The following KRTAP1-5 variants were observed in gnomAD, a reference collection of about 807,000 sequenced individuals.
KRTAP1-5 encodes keratin-associated protein 1-5.
A neutral mutation model predicts 14.2 loss-of-function variants in KRTAP1-5; 10 were observed. The observed-to-expected ratio is 0.70, with a 90% CI of 0.43 to 1.19. The LOEUF is 1.19. KRTAP1-5 is among the 50% of genes most tolerant of loss of function. The pLI is 0.00. For missense variants in KRTAP1-5, 234 were observed against 223.5 expected (o/e 1.05, Z -0.30); for synonymous variants, 107 against 80.2 (o/e 1.33, Z -1.79).
At position 41,026,833 on chromosome 17, in the gene KRTAP1-5, C is replaced by T. The variant is rs1169130186; in HGVS notation, c.323G>A (p.Ser108Asn). ...GATACGGGTGCTCACAGCTCCACTG[C>T]TGCCCTCCTGGCCATAGCTGATGCC... ...GGGISYGQEG[S>N]SGAVSTRIRW... The change falls in exon 1 of 1, where the codon AGC becomes AAC. Residue 108 changes from serine to asparagine, a missense_variant. Transcript: ENST00000361883. The T allele has an allele frequency of 5.0e-6, 8 of 1,612,572 alleles. No homozygotes were observed. Among genetic ancestry groups the T allele is most frequent in the Non-Finnish European group, 5.9e-6 (7 of 1,179,974 alleles).
chr17:41,026,567 G>T lies in KRTAP1-5; in HGVS notation c.*64C>A, dbSNP rs761733231. The T allele has an allele frequency of 9.4e-5, 142 of 1,518,526 alleles. No homozygotes were observed. Among genetic ancestry groups the T allele is most frequent in the Non-Finnish European group, 1.2e-4 (135 of 1,123,758 alleles). 94.1% of individuals were successfully genotyped at this position (1,518,526 alleles called of 1,614,324 possible). On this transcript the variant is annotated 3_prime_UTR_variant, in exon 1 of 1. Transcript: ENST00000361883. Reference sequence around the variant, plus strand: ...GAGAACTTGTTAGTGGTCCAGAGGTGGTCAAGGGATGAACAGTTCAGAGAC... The same window carrying T: ...GAGAACTTGTTAGTGGTCCAGAGGTTGTCAAGGGATGAACAGTTCAGAGAC...
In KRTAP1-5 at chr17:41,026,882, C is replaced by T. The variant is rs761087776; in HGVS notation, c.274G>A (p.Gly92Arg). The change falls in exon 1 of 1, where the codon GGA becomes AGA. Residue 92 changes from glycine to arginine, a missense_variant. Coordinates refer to ENST00000361883, the MANE Select transcript of KRTAP1-5 (RefSeq NM_031957.2). ...CCACCACCAATGCCACAGCCAGTTC[C>T]GCAGGAGCTGATCTGGCAGCAGCTT... is the stretch of plus-strand genomic sequence containing the variant. Reference protein sequence around the residue: ...QPSCCQISSCGTGCGIGGGIS... With the variant: ...QPSCCQISSCRTGCGIGGGIS... The T allele has an allele frequency of 2.0e-5, 32 of 1,611,020 alleles. 1 individual carries two copies. The highest frequency in any genetic ancestry group is 8.4e-5 in the Admixed American group (5 of 59,848).
In KRTAP1-5 at chr17:41,026,855, T is replaced by C. The variant is rs774740730; in HGVS notation, c.301A>G (p.Ile101Val). ...CGTGCGIGGG[I>V]SYGQEGSSGA... is the part of the protein sequence containing the mutation. ...CTGCTGCCCTCCTGGCCATAGCTGA[T>C]GCCACCACCAATGCCACAGCCAGTT... is the stretch of plus-strand genomic sequence containing the variant. Residue 101 changes from isoleucine (I) to valine (V), a missense_variant, in exon 1 of 1, where the codon ATC (isoleucine) becomes GTC (valine). By Grantham distance (29) the Ile-to-Val change is conservative (BLOSUM62 3). Coordinates refer to ENST00000361883, the MANE Select transcript of KRTAP1-5 (RefSeq NM_031957.2). 7.1e-5 allele frequency: 115 copies of C among 1,612,306 alleles called. No homozygotes were observed. Among genetic ancestry groups the C allele is most frequent in the Non-Finnish European group, 9.3e-5 (110 of 1,179,988 alleles).
In KRTAP1-5 at chr17:41,026,949, G is replaced by A. The variant is rs1376201896; in HGVS notation, c.207C>T (p.Ser69=). 1.9e-6 allele frequency: 3 copies of A among 1,612,318 alleles called. No individual in the cohort carries two copies. The highest frequency in any genetic ancestry group is 2.5e-6 in the Non-Finnish European group (3 of 1,179,510). ...SCCQPSCCET[S]CCQPSCCETS... ...TCTCACAGCAGCTTGGCTGGCAGCA[G>A]CTGGTCTCACAGCAGCTTGGCTGGC... The change falls in exon 1 of 1, where the codon AGC becomes AGT. Residue 69 remains serine (S), a synonymous_variant. Transcript: ENST00000361883.
In KRTAP1-5 at chr17:41,027,043, C is replaced by T. The variant is rs149383040; in HGVS notation, c.113G>A (p.Arg38His). The T allele has an allele frequency of 8.6e-4, 1,375 of 1,608,050 alleles. 7 individuals carry two copies. In the African/African-American group the frequency reaches 0.016, roughly 19 times the overall value. ...TCCGCAGAAGCTAGTCTGGCAGCTG[C>T]GTGGCTGGCAGCAGCTGGTCTCACA... The part of the protein sequence containing the change: ...SCCETSCCQP[R>H]SCQTSFCGFP... The change falls in exon 1 of 1, where the codon CGC becomes CAC. Residue 38 changes from arginine (R) to histidine (H), a missense_variant. By Grantham distance (29) the Arg-to-His change is conservative. Transcript: ENST00000361883.
rs1465081228 is a variant in KRTAP1-5, at chr17:41,026,928, A to G, written c.228T>C (p.Cys76=). The part of the protein sequence containing the change: ...CETSCCQPSC[C]ETSCCQPSCC... ...AGCTTGGCTGGCAGCAGCTGGTCTC[A>G]CAGCAGCTTGGCTGGCAGCAGCTGG... The change falls in exon 1 of 1, where the codon TGT becomes TGC. Residue 76 remains cysteine (C), a synonymous_variant. Coordinates refer to ENST00000361883, the MANE Select transcript of KRTAP1-5 (RefSeq NM_031957.2). 5.6e-6 allele frequency: 9 copies of G among 1,611,880 alleles called. No homozygotes were observed. The highest frequency in any genetic ancestry group is 4.0e-5 in the African/African-American group (3 of 74,698).
In KRTAP1-5 at chr17:41,026,638, G is replaced by A. The variant is rs1436950095; in HGVS notation, c.518C>T (p.Thr173Ile). ...AAATAAGCAAACTGGCTTTCAGCAA[G>A]TGGGCTCACAGCAGCAGACTGGGCG... ...CCRPVCCCEP[T>I]C The change falls in exon 1 of 1, where the codon ACT becomes ATT. Residue 173 changes from threonine to isoleucine, a missense_variant. Physicochemically the swap from Thr to Ile is moderately conservative, Grantham distance 89. Transcript: ENST00000361883. The A allele has an allele frequency of 7.5e-6, 12 of 1,597,624 alleles. No individual in the cohort carries two copies. The highest frequency in any genetic ancestry group is 1.0e-5 in the Non-Finnish European group (12 of 1,169,572).
chr17:41,026,464 T>C lies in KRTAP1-5; in HGVS notation c.*167A>G. On this transcript the variant is annotated 3_prime_UTR_variant, in exon 1 of 1. Transcript: ENST00000361883. ...CTGTGTCCCCAGTGAAGGGTCAAGG[T>C]ATTCATTGTAGAATGGAATCAGATA... is the stretch of plus-strand genomic sequence containing the variant. 1.4e-6 allele frequency: 1 copy of C among 712,650 alleles called. No homozygotes were observed. Among genetic ancestry groups the C allele is most frequent in the Non-Finnish European group, 2.3e-6 (1 of 440,828 alleles). 44.1% of individuals were successfully genotyped at this position (712,650 alleles called of 1,614,324 possible).
chr17:41,026,747 T>C lies in KRTAP1-5; in HGVS notation c.409A>G (p.Ser137Gly). The C allele has an allele frequency of 6.2e-7, 1 of 1,613,362 alleles. No homozygotes were observed. The highest frequency in any genetic ancestry group is 8.5e-7 in the Non-Finnish European group (1 of 1,179,798). Reference protein sequence around the residue: ...GTYLPPCCVVSCTPPSCCQLH... With the variant: ...GTYLPPCCVVGCTPPSCCQLH... ...TGGCAGCAGGATGGGGGCGTGCAGC[T>C]CACCACACAGCAGGGGGGTAGGTAG... Residue 137 changes from serine (S) to glycine (G), a missense_variant, in exon 1 of 1, where the codon AGC (serine) becomes GGC (glycine). Physicochemically the swap from Ser to Gly is moderately conservative, Grantham distance 56. Coordinates refer to ENST00000361883, the MANE Select transcript of KRTAP1-5 (RefSeq NM_031957.2).
Position 41,027,058 on chromosome 17 carries a change from C to G in KRTAP1-5, c.98G>C (p.Ser33Thr), listed in dbSNP as rs755973251. 4.3e-6 allele frequency: 7 copies of G among 1,613,198 alleles called. No homozygotes were observed. The South Asian group carries it at 7.7e-5, about 18-fold the overall frequency. The change falls in exon 1 of 1, where the codon AGC becomes ACC. Residue 33 changes from serine (S) to threonine (T), a missense_variant. By Grantham distance (58) the Ser-to-Thr change is moderately conservative. Transcript: ENST00000361883. ...CTGGCAGCTGCGTGGCTGGCAGCAGCTGGTCTCACAGCAGCTTGGCTGGCA... is the reference window on the plus strand; with the variant it reads ...CTGGCAGCTGCGTGGCTGGCAGCAGGTGGTCTCACAGCAGCTTGGCTGGCA... The part of the protein sequence containing the change: ...SCCQPSCCET[S>T]CCQPRSCQTS...
chr17:41,026,923 G>T lies in KRTAP1-5; in HGVS notation c.233C>A (p.Thr78Asn). 6.2e-7 allele frequency: 1 copy of T among 1,612,212 alleles called. No homozygotes were observed. Among genetic ancestry groups the T allele is most frequent in the Non-Finnish European group, 8.5e-7 (1 of 1,179,662 alleles). Residue 78 changes from threonine (T) to asparagine (N), a missense_variant, in exon 1 of 1, where the codon ACC becomes AAC. Thr to Asn is a moderately conservative substitution (Grantham distance 65, BLOSUM62 0). Coordinates refer to ENST00000361883, the MANE Select transcript of KRTAP1-5 (RefSeq NM_031957.2). ...GCAGCAGCTTGGCTGGCAGCAGCTG[G>T]TCTCACAGCAGCTTGGCTGGCAGCA... ...TSCCQPSCCE[T>N]SCCQPSCCQI... is the part of the protein sequence containing the mutation.
In KRTAP1-5 at chr17:41,027,012, G is replaced by A. The variant is rs1222830486; in HGVS notation, c.144C>T (p.Pro48=). The A allele has an allele frequency of 1.2e-6, 2 of 1,609,006 alleles. No individual in the cohort carries two copies. The highest frequency in any genetic ancestry group is 3.4e-5 in the Admixed American group (2 of 58,586). The change falls in exon 1 of 1, where the codon CCC becomes CCT. Residue 48 remains proline (P), a synonymous_variant. Coordinates refer to ENST00000361883, the MANE Select transcript of KRTAP1-5 (RefSeq NM_031957.2). ...RSCQTSFCGF[P]SFSTSGTCSS... The stretch of plus-strand genomic sequence containing the variant: ...TGCAGGTCCCACTGGTTGAGAAGCT[G>A]GGAAATCCGCAGAAGCTAGTCTGGC...
chr17:41,026,667 G>T, the KRTAP1-5 span: 131 of 1,610,608 alleles, frequency 8.1e-5, no homozygotes, highest in Non-Finnish European at 1.1e-4. Flanking sequence ...CTGGGCGGCA[G>T]CAGGACTGTC....
chr17:41,026,520 C>T lies in KRTAP1-5; in HGVS notation c.*111G>A. On this transcript the variant is annotated 3_prime_UTR_variant, in exon 1 of 1. Transcript: ENST00000361883. ...GTGAGCTCATATACTTAGTAGTCTC[C>T]ATCACAAGCAATGCAAAGTCTGAGA... 8.6e-7 allele frequency: 1 copy of T among 1,166,628 alleles called. No individual in the cohort carries two copies. Among genetic ancestry groups the T allele is most frequent in the Admixed American group, 2.3e-5 (1 of 42,840 alleles). The allele number at this position is 1,166,628 out of a possible 1,614,324, so 72.3% of individuals were successfully genotyped here. A position where few individuals can be genotyped will look rare whatever the true frequency, so the allele number is the denominator to read the frequency against.
Position 41,027,136 on chromosome 17 carries a change from C to G in KRTAP1-5, c.20G>C (p.Ser7Thr). MTCCQTSFCGYPSFSIS... is the reference protein window; with the variant it reads MTCCQTTFCGYPSFSIS... ...GGAGAAGCTGGGATATCCACAGAAG[C>G]TGGTCTGGCAGCAGGTCATGGTGTC... is the stretch of plus-strand genomic sequence containing the variant. The change falls in exon 1 of 1, where the codon AGC (serine) becomes ACC (threonine). Residue 7 changes from serine (S) to threonine (T), a missense_variant. Coordinates refer to ENST00000361883, the MANE Select transcript of KRTAP1-5 (RefSeq NM_031957.2). 3.1e-6 allele frequency: 5 copies of G among 1,614,146 alleles called. No homozygotes were observed. The highest frequency in any genetic ancestry group is 4.2e-6 in the Non-Finnish European group (5 of 1,180,010).
rs2012325379 is a variant in KRTAP1-5 at position 41,026,451 on chromosome 17, T to C, written c.*180A>G. The C allele has an allele frequency of 7.8e-6, 5 of 637,172 alleles. No individual in the cohort carries two copies. The highest frequency in any genetic ancestry group is 1.3e-5 in the Non-Finnish European group (5 of 385,802). 39.5% of individuals were successfully genotyped at this position (637,172 alleles called of 1,614,324 possible). A position where few individuals can be genotyped will look rare whatever the true frequency, so the allele number is the denominator to read the frequency against. On this transcript the variant is annotated 3_prime_UTR_variant, in exon 1 of 1. Transcript: ENST00000361883. ...CTTTGTAGCATTTCTGTGTCCCCAG[T>C]GAAGGGTCAAGGTATTCATTGTAGA... is the stretch of plus-strand genomic sequence containing the variant.
In KRTAP1-5 at chr17:41,026,715, G is replaced by A; in HGVS notation, c.441C>T (p.His147=). 2 of 1,613,868 alleles carry A rather than the reference G, an allele frequency of 1.2e-6. No homozygotes were observed. Among genetic ancestry groups the A allele is most frequent in the South Asian group, 2.2e-5 (2 of 91,048 alleles). Residue 147 remains histidine, a synonymous_variant, in exon 1 of 1, where the codon CAC becomes CAT. Coordinates refer to ENST00000361883, the MANE Select transcript of KRTAP1-5 (RefSeq NM_031957.2). ...SCTPPSCCQL[H]HAQASCCRPS... is the part of the protein sequence containing the mutation. ...GGCGGCAGCAGGAGGCCTGGGCATG[G>A]TGCAGTTGGCAGCAGGATGGGGGCG...
At position 41,026,913 on chromosome 17, in the gene KRTAP1-5, G is replaced by GCAGCTGGTCTCACAGCAGCTTGGCTGA. The variant is rs1567892029; in HGVS notation, c.242_243insTCAGCCAAGCTGCTGTGAGACCAGCTG (p.Cys86_Gln87insGluThrSerCysGlnProSerCysCys). On this transcript the variant is annotated inframe_insertion, in exon 1 of 1. Coordinates refer to ENST00000361883, the MANE Select transcript of KRTAP1-5 (RefSeq NM_031957.2). ...AGCTGATCTGGCAGCAGCTTGGCTG[G>GCAGCTGGTCTCACAGCAGCTTGGCTGA]CAGCAGCTGGTCTCACAGCAGCTTG... The GCAGCTGGTCTCACAGCAGCTTGGCTGA allele has an allele frequency of 1.9e-6, 3 of 1,609,232 alleles. No homozygotes were observed. In the African/African-American group the frequency reaches 4.1e-5, roughly 22 times the overall value.
At chr17:41,026,759 AG>A in the KRTAP1-5 span, 108,356 of 1,613,516 alleles carry the variant, frequency 0.067, 4,192 homozygotes, top group Non-Finnish European at 0.079. Flanking sequence ...ACCACACAGC[AG>A]GGGGGTAGGT....
Sources: gnomAD v4.1 joint callset for allele counts on GRCh38, gnomAD v4.1.1 for gene constraint, MANE v1.5 for transcripts, NCBI Gene and HGNC (gene_info 2026-07-23, HGNC 2026-07-21) for gene names.